OTUD7A: variants seen among roughly 807,000 people sequenced by gnomAD.
OTUD7A encodes the protein OTU deubiquitinase 7A.
Under a neutral mutation model 65.7 loss-of-function variants are expected in OTUD7A, and 12 were observed. The observed-to-expected ratio is 0.18, with a 90% CI of 0.12 to 0.30. OTUD7A has a LOEUF of 0.30. Among genes scored for constraint, OTUD7A ranks in the 10% least tolerant of loss-of-function variants. The probability of loss-of-function intolerance (pLI) is 1.00; values close to 1 mark genes in which losing one functional copy is unlikely to be tolerated. For synonymous variants in OTUD7A, 641 were observed against 586.3 expected, an observed-to-expected ratio of 1.09 and a Z score of -1.35; for missense variants, 1,148 against 1,304.8, an observed-to-expected ratio of 0.88 and a Z score of 1.85.
chr15:31,640,485 T>C (rs934042344), intron 3 of OTUD7A, among the ~76,000 whole-genome samples: 2 of 152,344 alleles, frequency 1.3e-5, no homozygotes, highest in South Asian at 2.1e-4. Flanking sequence ...TTAGGTTTTA[T>C]ATTTAGGGAT....
intron 1 of OTUD7A, among the ~76,000 whole-genome samples, chr15:31,742,393 GAAAA>G (rs746244829): frequency 9.4e-4 from 142 of 151,792 alleles, no homozygotes; most frequent in Non-Finnish European, 1.7e-3. Flanking sequence ...CAGATTAAGG[GAAAA>G]AAAATTGTGT....
At chr15:31,514,163 C>T (rs1310160808) in intron 8 of OTUD7A, among the ~76,000 whole-genome samples, 1 of 151,604 alleles carries the variant, frequency 6.6e-6, no homozygotes, top group African/African-American at 2.4e-5. Context: ...AAGTGAGCCT[C>T]CCATTCTGAC....
At chr15:31,724,157 G>C (rs963881117) in intron 1 of OTUD7A, among the ~76,000 whole-genome samples, 14 of 152,076 alleles carry the variant, frequency 9.2e-5, no homozygotes, top group Non-Finnish European at 2.1e-4. Context: ...GGCACTCTGT[G>C]TATTACGGGC....
chr15:31,715,658 T>C (rs1293752990), intron 1 of OTUD7A, among the ~76,000 whole-genome samples: 5 of 122,838 alleles, frequency 4.1e-5, no homozygotes, highest in Non-Finnish European at 8.7e-5. Flanking sequence ...ACTTGCTTGT[T>C]TTGTCTTTTC....
intron 3 of OTUD7A, among the ~76,000 whole-genome samples, chr15:31,625,426 A>G (rs75730750): frequency 1.3e-5 from 2 of 151,976 alleles, no homozygotes; most frequent in South Asian, 4.1e-4. Flanking sequence ...AAAAAAAAAA[A>G]GAACTGCAAT....
intron 1 of OTUD7A, among the ~76,000 whole-genome samples, chr15:31,750,257 A>G (rs965462168): frequency 6.6e-6 from 1 of 151,934 alleles, no homozygotes; most frequent in Non-Finnish European, 1.5e-5. Flanking sequence ...AAAATACAAA[A>G]ATTAGCTGGG....
chr15:31,640,101 T>C (rs1200498498), intron 3 of OTUD7A, among the ~76,000 whole-genome samples: 1 of 152,204 alleles, frequency 6.6e-6, no homozygotes, highest in Admixed American at 6.5e-5. Context: ...GTTAAAAAGA[T>C]TTTCTCATGA....
At chr15:31,736,686 C>T (rs975502120) in intron 1 of OTUD7A, among the ~76,000 whole-genome samples, 3 of 151,696 alleles carry the variant, frequency 2.0e-5, no homozygotes, top group Non-Finnish European at 2.9e-5. Context: ...CTATATCCTC[C>T]CACCCTCAAC....
Position 31,623,793 on chromosome 15 carries a change from C to G in OTUD7A, c.151+31303G>C, listed in dbSNP as rs1270991064. On this transcript the variant is annotated intron_variant, in intron 3 of 12. Coordinates refer to ENST00000307050, the MANE Select transcript of OTUD7A (RefSeq NM_001382637.1). ...TGTCCTGCACCCACTGTCTGACAAG[C>G]CCCAGTGAGATGAACCCGGTACCTC... Among the ~76,000 whole-genome samples the G allele has an allele frequency of 3.3e-5, 5 of 152,196 alleles. No individual in the cohort carries two copies. The South Asian group carries it at 6.2e-4, about 19-fold the overall frequency.
intron 3 of OTUD7A, among the ~76,000 whole-genome samples, chr15:31,578,097 G>C (rs1259537216): frequency 1.3e-5 from 2 of 152,034 alleles, no homozygotes; most frequent in Non-Finnish European, 2.9e-5. Flanking sequence ...TCCCTCCTTG[G>C]CCAGGGTACC....
At chr15:31,576,900 T>C (rs1391112889) in intron 3 of OTUD7A, among the ~76,000 whole-genome samples, 6 of 152,148 alleles carry the variant, frequency 3.9e-5, no homozygotes, top group Admixed American at 3.9e-4. Flanking sequence ...TTCCTGGACA[T>C]GGCTGGAAGG....
At chr15:31,822,354 C>T (rs1215281757) in intron 1 of OTUD7A, among the ~76,000 whole-genome samples, 2 of 152,316 alleles carry the variant, frequency 1.3e-5, no homozygotes, top group East Asian at 1.9e-4. Flanking sequence ...TGACTGGGAA[C>T]CCTTGGGCAT....
chr15:31,668,149 C>T (rs1347979270), intron 1 of OTUD7A, among the ~76,000 whole-genome samples: 3 of 152,140 alleles, frequency 2.0e-5, no homozygotes, highest in Admixed American at 6.5e-5. Context: ...AGATGAATTT[C>T]CCAGGTGTTC....
rs570424207 is a variant in OTUD7A, at chr15:31,677,832, C to A, written c.-99-20755G>T. On this transcript the variant is annotated intron_variant, in intron 1 of 12. Transcript: ENST00000307050. ...GAGTGGGGTGCTGCTATAAAGATAC[C>A]CAAGAATGTGGAAGTGACTTTAGAA... 9.9e-5 allele frequency among the ~76,000 whole-genome samples: 15 copies of A among 152,112 alleles called. No homozygotes were observed. In the South Asian group the frequency reaches 3.1e-3, roughly 32 times the overall value.
intron 1 of OTUD7A, among the ~76,000 whole-genome samples, chr15:31,688,070 G>T (rs1892878340): frequency 6.6e-6 from 1 of 152,100 alleles, no homozygotes; most frequent in South Asian, 2.1e-4. Context: ...ACAAAAATTA[G>T]CTGGGCGTGG....
At chr15:31,774,509 C>G (rs73378692) in intron 1 of OTUD7A, among the ~76,000 whole-genome samples, 3,225 of 152,346 alleles carry the variant, frequency 0.021, 112 homozygotes, top group African/African-American at 0.073. Flanking sequence ...ATGAAACATT[C>G]TGGCTTGAAC....
At chr15:31,531,733 C>T (rs1887631652) in intron 5 of OTUD7A, among the ~76,000 whole-genome samples, 1 of 152,178 alleles carries the variant, frequency 6.6e-6, no homozygotes, top group Non-Finnish European at 1.5e-5. Context: ...CAGGCTGTAA[C>T]AAGGTGCTCA....
intron 1 of OTUD7A, among the ~76,000 whole-genome samples, chr15:31,842,627 TCACA>T (rs1897210981): frequency 6.6e-6 from 1 of 151,432 alleles, no homozygotes; most frequent in Non-Finnish European, 1.5e-5. Context: ...TTTAACAATA[TCACA>T]AACGCACTCT....
chr15:31,839,075 G>T lies in OTUD7A; in HGVS notation c.-100+31432C>A, dbSNP rs952461224. ...TGCTCCATGGCACTCCATAGGGACAGCTGGTGGGAGAACCAGCAGAGTGGC... is the reference window on the plus strand; with the variant it reads ...TGCTCCATGGCACTCCATAGGGACATCTGGTGGGAGAACCAGCAGAGTGGC... On this transcript the variant is annotated intron_variant, in intron 1 of 12. Coordinates refer to ENST00000307050, the MANE Select transcript of OTUD7A (RefSeq NM_001382637.1). 2.6e-5 allele frequency among the ~76,000 whole-genome samples: 4 copies of T among 152,360 alleles called. No individual in the cohort carries two copies. The South Asian group carries it at 8.3e-4, about 32-fold the overall frequency.
Sources: gnomAD v4.1 joint callset for allele counts (sites outside exome capture counted in the v4.1 genomes callset) on GRCh38, gnomAD v4.1.1 for gene constraint, MANE v1.5 for transcripts, NCBI Gene and HGNC (gene_info 2026-07-23, HGNC 2026-07-21) for gene names.